Variants in SLC24A2 observed in about 807,000 individuals in gnomAD.
SLC24A2 encodes sodium/potassium/calcium exchanger 2.
Under a neutral mutation model 62.0 loss-of-function variants are expected in SLC24A2, and 36 were observed. The observed-to-expected ratio is 0.58, with a 90% CI of 0.44 to 0.77. The LOEUF (loss-of-function observed/expected upper bound fraction) is 0.77, where lower values mean the gene tolerates loss of function less well. Among genes scored for constraint, SLC24A2 ranks in the 30% least tolerant of loss-of-function variants. SLC24A2 has a pLI of 0.00. For synonymous variants in SLC24A2, 358 were observed against 294.0 expected (o/e 1.22, Z -2.23); for missense variants, 846 against 817.9 (o/e 1.03, Z -0.42).
chr9:19,531,955 G>A (rs1448444270), intron 8 of SLC24A2, among the ~76,000 whole-genome samples: 1 of 152,106 alleles, frequency 6.6e-6, no homozygotes, highest in Non-Finnish European at 1.5e-5. Context: ...AGACAATATA[G>A]TCATGCCCTT....
intron 3 of SLC24A2, among the ~76,000 whole-genome samples, 153 bp downstream of exon 3, chr9:19,622,108 C>T (rs1225126159): frequency 2.0e-5 from 3 of 152,192 alleles, no homozygotes; most frequent in Non-Finnish European, 4.4e-5. Flanking sequence ...CTAATTGTAG[C>T]ACGGAGTAGA....
At chr9:20,134,195 G>C in the SLC24A2 span, among the ~76,000 whole-genome samples, 1 of 152,160 alleles carries the variant, frequency 6.6e-6, no homozygotes, top group African/African-American at 2.4e-5. Flanking sequence ...CACCTGAAAG[G>C]TCTACCATGA....
At chr9:19,832,629 A>G in the SLC24A2 span, among the ~76,000 whole-genome samples, 1 of 152,236 alleles carries the variant, frequency 6.6e-6, no homozygotes, top group African/African-American at 2.4e-5. Context: ...ACCTAAAACC[A>G]TAAAAACCCT....
chr9:19,923,766 T>C, the SLC24A2 span, among the ~76,000 whole-genome samples: 1 of 152,240 alleles, frequency 6.6e-6, no homozygotes, highest in Non-Finnish European at 1.5e-5. Flanking sequence ...TTTTCTGTTT[T>C]GAGACAGAGT....
the SLC24A2 span, among the ~76,000 whole-genome samples, chr9:20,170,768 A>C: frequency 4.6e-5 from 7 of 152,184 alleles, no homozygotes; most frequent in African/African-American, 1.7e-4. Context: ...GAAGAAGAAA[A>C]ATCTAAAAGT....
chr9:20,232,197 T>C, the SLC24A2 span, among the ~76,000 whole-genome samples: 1 of 152,296 alleles, frequency 6.6e-6, no homozygotes, highest in Non-Finnish European at 1.5e-5. Context: ...TAAAATTCTC[T>C]TTTTTGGTTG....
At chr9:20,256,905 A>G in the SLC24A2 span, among the ~76,000 whole-genome samples, 1 of 144,520 alleles carries the variant, frequency 6.9e-6, no homozygotes, top group Non-Finnish European at 1.5e-5. Context: ...AAAAACAATA[A>G]TAAAACTCCA....
chr9:19,561,504 G>A (rs1025067108), intron 7 of SLC24A2, among the ~76,000 whole-genome samples: 4 of 143,456 alleles, frequency 2.8e-5, no homozygotes, highest in Admixed American at 7.2e-5. Context: ...GTGTGATCTC[G>A]GCTCACTGCA....
At chr9:19,571,457 A>G (rs796227914) in intron 7 of SLC24A2, among the ~76,000 whole-genome samples, 8 of 151,966 alleles carry the variant, frequency 5.3e-5, no homozygotes, top group African/African-American at 1.7e-4. Flanking sequence ...TCTGGTTTCT[A>G]TTTGCAGGCA....
the SLC24A2 span, among the ~76,000 whole-genome samples, chr9:20,071,061 T>G: frequency 1.3e-5 from 2 of 152,328 alleles, no homozygotes; most frequent in Non-Finnish European, 1.5e-5. Context: ...ATTCTCTCTC[T>G]TCTTCCTCTT....
chr9:20,128,470 A>T, the SLC24A2 span, among the ~76,000 whole-genome samples: 2 of 152,154 alleles, frequency 1.3e-5, no homozygotes, highest in African/African-American at 4.8e-5. Flanking sequence ...TTTGATCTCA[A>T]AACTAGAGTA....
the SLC24A2 span, among the ~76,000 whole-genome samples, chr9:20,240,097 C>T: frequency 6.6e-6 from 1 of 152,192 alleles, no homozygotes; most frequent in East Asian, 1.9e-4. Flanking sequence ...TCCCTCTCCC[C>T]TACTGTTATT....
At chr9:19,719,458 A>G (rs545648149) in intron 2 of SLC24A2, among the ~76,000 whole-genome samples, 96 of 151,918 alleles carry the variant, frequency 6.3e-4, no homozygotes, top group African/African-American at 2.2e-3. Flanking sequence ...GCCTTTAACC[A>G]TATTGCTTCC....
At chr9:20,047,111 C>T in the SLC24A2 span, among the ~76,000 whole-genome samples, 1 of 152,066 alleles carries the variant, frequency 6.6e-6, no homozygotes, top group African/African-American at 2.4e-5. Flanking sequence ...CTCAGAACAG[C>T]ATCTGTCCAG....
intron 5 of SLC24A2, among the ~76,000 whole-genome samples, chr9:19,596,752 C>T (rs1257834259): frequency 6.6e-6 from 1 of 152,212 alleles, no homozygotes; most frequent in East Asian, 1.9e-4. Context: ...CATGAGCCTA[C>T]AGTCCTCCAC....
chr9:19,516,160 G>T lies in SLC24A2; in HGVS notation c.1979C>A (p.Ser660Tyr). The change falls in exon 11 of 11, where the codon TCC becomes TAC. Residue 660 changes from serine to tyrosine, a missense_variant. Physicochemically the swap from Ser to Tyr is moderately radical, Grantham distance 144 (BLOSUM62 -2). Coordinates refer to ENST00000341998, the MANE Select transcript of SLC24A2 (RefSeq NM_020344.4). ...AAGATATGGCTTTTCCTGCTAGATGGAGACGGGGCATGTAAGAATTCTGTC... is the reference window on the plus strand; with the variant it reads ...AAGATATGGCTTTTCCTGCTAGATGTAGACGGGGCATGTAAGAATTCTGTC... ...LEDRILTCPV[S>Y]I 5 of 1,614,174 alleles carry T rather than the reference G, an allele frequency of 3.1e-6. No individual in the cohort carries two copies. Among genetic ancestry groups the T allele is most frequent in the Non-Finnish European group, 4.2e-6 (5 of 1,180,008 alleles).
At chr9:20,233,988 C>T in the SLC24A2 span, among the ~76,000 whole-genome samples, 2 of 152,160 alleles carry the variant, frequency 1.3e-5, no homozygotes, top group Non-Finnish European at 2.9e-5. Context: ...ACTTACGAAG[C>T]TTAGTTTGGC....
At chr9:19,549,727 C>G (rs1834750504) in intron 8 of SLC24A2, among the ~76,000 whole-genome samples, 2 of 152,230 alleles carry the variant, frequency 1.3e-5, no homozygotes, top group Admixed American at 6.5e-5. Context: ...CATAACCCTT[C>G]AAGTCTTTCT....
At chr9:20,181,315 T>G in the SLC24A2 span, among the ~76,000 whole-genome samples, 1,069 of 152,258 alleles carry the variant, frequency 7.0e-3, 13 homozygotes, top group African/African-American at 0.025. Flanking sequence ...ATGATGTATT[T>G]TAAAGTCCAC....
Sources: gnomAD v4.1 joint callset for allele counts (sites outside exome capture counted in the v4.1 genomes callset) on GRCh38, gnomAD v4.1.1 for gene constraint, MANE v1.5 for transcripts, NCBI Gene and HGNC (gene_info 2026-07-23, HGNC 2026-07-21) for gene names.